KLHL1: variants seen among roughly 807,000 people sequenced by gnomAD.
KLHL1 encodes kelch like family member 1, also known as kelch-like protein 1.
A neutral mutation model predicts 77.7 loss-of-function variants in KLHL1; 47 were observed. The ratio of observed to expected loss-of-function variants is 0.60; its 90% CI spans 0.48 to 0.77. KLHL1 has a LOEUF of 0.77. KLHL1 is among the 30% of genes least tolerant of loss of function. The pLI is 0.00. For synonymous variants in KLHL1, 360 were observed against 325.2 expected, an observed-to-expected ratio of 1.11 and a Z score of -1.15; for missense variants, 925 against 910.8, an observed-to-expected ratio of 1.02 and a Z score of -0.20.
chr13:70,053,260 A>T lies in KLHL1; in HGVS notation c.497+53943T>A, dbSNP rs952292760. Reference sequence around the variant, plus strand: ...CTTTAACAGCAAGACTTTTCCAGGAAATATAACAGATTTGAGGGAATCTTA... The same window carrying T: ...CTTTAACAGCAAGACTTTTCCAGGATATATAACAGATTTGAGGGAATCTTA... On this transcript the variant is annotated intron_variant, in intron 1 of 10. Coordinates refer to ENST00000377844, the MANE Select transcript of KLHL1 (RefSeq NM_020866.3). 1.1e-4 allele frequency among the ~76,000 whole-genome samples: 17 copies of T among 152,262 alleles called. No individual in the cohort carries two copies. In the East Asian group the frequency reaches 3.1e-3, roughly 28 times the overall value.
intron 6 of KLHL1, among the ~76,000 whole-genome samples, chr13:69,834,854 G>T (rs977418363): frequency 4.6e-5 from 7 of 152,026 alleles, no homozygotes; most frequent in African/African-American, 1.7e-4. Flanking sequence ...TTTAGGTCCA[G>T]ATTTTGAATT....
intron 4 of KLHL1, among the ~76,000 whole-genome samples, chr13:69,888,000 C>CTTAG (rs369113134): frequency 1.2e-3 from 181 of 152,288 alleles, no homozygotes; most frequent in African/African-American, 4.0e-3. Context: ...ATAAAACCAT[C>CTTAG]TTAGACTGGA....
intron 5 of KLHL1, among the ~76,000 whole-genome samples, chr13:69,867,119 AT>A (rs568190897): frequency 7.9e-5 from 12 of 152,254 alleles, no homozygotes; most frequent in Admixed American, 7.9e-4. Flanking sequence ...CAGAAGCATT[AT>A]TTGATTAAAA....
At position 70,087,714 on chromosome 13, in the gene KLHL1, TGGAAACA is replaced by T. The variant is rs1218568952; in HGVS notation, c.497+19482_497+19488del. On this transcript the variant is annotated intron_variant, in intron 1 of 10. Transcript: ENST00000377844. ...GAGGGAGAAAAACAACCAGAGCTTT[TGGAAACA>T]AGGCCTTCTGATGGAGTAATAAAAT... Among the ~76,000 whole-genome samples the T allele has an allele frequency of 2.6e-5, 4 of 152,270 alleles. No homozygotes were observed. In the East Asian group the frequency reaches 7.7e-4, roughly 29 times the overall value.
chr13:69,952,976 C>A (rs1883758930), intron 3 of KLHL1, among the ~76,000 whole-genome samples: 1 of 151,070 alleles, frequency 6.6e-6, no homozygotes, highest in Non-Finnish European at 1.5e-5. Flanking sequence ...ATAATGTTTT[C>A]AAAGATGGTT....
chr13:70,093,343 A>G (rs549617229), intron 1 of KLHL1, among the ~76,000 whole-genome samples: 1 of 152,270 alleles, frequency 6.6e-6, no homozygotes, highest in East Asian at 1.9e-4. Flanking sequence ...CATACCTTCA[A>G]AGACCAAACC....
chr13:69,840,698 A>ATATGTATGTATG (rs200339697), intron 5 of KLHL1, among the ~76,000 whole-genome samples: 49 of 146,324 alleles, frequency 3.3e-4, no homozygotes, highest in Middle Eastern at 3.5e-3. Flanking sequence ...ATATATATAT[A>ATATGTATGTATG]TATGTATGTA....
At chr13:69,970,557 GGAGCT>G (rs1188094522) in intron 2 of KLHL1, among the ~76,000 whole-genome samples, 1 of 152,012 alleles carries the variant, frequency 6.6e-6, no homozygotes, top group Non-Finnish European at 1.5e-5. Context: ...TGGCCTAACA[GGAGCT>G]CCTTATTCTG....
chr13:70,006,756 A>T (rs768821138), intron 1 of KLHL1, among the ~76,000 whole-genome samples: 1 of 152,022 alleles, frequency 6.6e-6, no homozygotes, highest in African/African-American at 2.4e-5. Flanking sequence ...ACATGCTGAC[A>T]GCACTAGATT....
rs1390439892 is a variant in KLHL1 at position 70,036,199 on chromosome 13, G to A, written c.498-60397C>T. Reference sequence around the variant, plus strand: ...CACCAGTTGTATCTAGGTGGATATAGGGATTTTTAGAAACATTGCTGCTAG... The same window carrying A: ...CACCAGTTGTATCTAGGTGGATATAAGGATTTTTAGAAACATTGCTGCTAG... On this transcript the variant is annotated intron_variant, in intron 1 of 10. Transcript: ENST00000377844. 3.3e-5 allele frequency among the ~76,000 whole-genome samples: 5 copies of A among 151,784 alleles called. No homozygotes were observed. The East Asian group carries it at 9.7e-4, about 29-fold the overall frequency.
intron 3 of KLHL1, among the ~76,000 whole-genome samples, chr13:69,943,091 T>C (rs1593972344): frequency 6.6e-6 from 1 of 152,026 alleles, no homozygotes; most frequent in African/African-American, 2.4e-5. Context: ...GTGAAGTTTT[T>C]TTCTTTTTTC....
At chr13:70,035,120 TTTGAG>T (rs1425700765) in intron 1 of KLHL1, among the ~76,000 whole-genome samples, 4 of 152,228 alleles carry the variant, frequency 2.6e-5, no homozygotes, top group Admixed American at 2.0e-4. Context: ...ATTGGTAACT[TTTGAG>T]TTAAGAGTAC....
At chr13:69,856,662 A>G (rs1025769566) in intron 5 of KLHL1, among the ~76,000 whole-genome samples, 1 of 152,178 alleles carries the variant, frequency 6.6e-6, no homozygotes, top group Admixed American at 6.6e-5. Context: ...CTTTGTTATT[A>G]CACTATACTG....
At chr13:69,704,441 G>T (rs568548497) in intron 10 of KLHL1, among the ~76,000 whole-genome samples, 1 of 151,722 alleles carries the variant, frequency 6.6e-6, no homozygotes, top group East Asian at 1.9e-4. Context: ...TCTGTTTCTT[G>T]CTCAGTGAGA....
At chr13:69,882,243 A>G in intron 5 of KLHL1, 40 bp downstream of exon 5, 1 of 1,349,458 alleles carries the variant, frequency 7.4e-7, no homozygotes, top group Non-Finnish European at 1.1e-6. Flanking sequence ...AGGGTTTTTC[A>G]GTACATTGAA....
chr13:69,849,251 T>G (rs1219333358), intron 5 of KLHL1, among the ~76,000 whole-genome samples: 2 of 151,648 alleles, frequency 1.3e-5, no homozygotes, highest in African/African-American at 4.8e-5. Flanking sequence ...AATTCTTTCA[T>G]GTTTAGGCTA....
intron 6 of KLHL1, among the ~76,000 whole-genome samples, chr13:69,834,301 T>C (rs1243521401): frequency 2.0e-5 from 3 of 151,892 alleles, no homozygotes; most frequent in East Asian, 3.9e-4. Flanking sequence ...GTTAAATATA[T>C]ATATATATGT....
chr13:69,859,888 C>T (rs1347873924), intron 5 of KLHL1, among the ~76,000 whole-genome samples: 1 of 151,990 alleles, frequency 6.6e-6, no homozygotes, highest in Admixed American at 6.6e-5. Flanking sequence ...ACATTGTAAG[C>T]GTACAAAAGC....
chr13:69,908,997 G>T (rs76743567), intron 4 of KLHL1, among the ~76,000 whole-genome samples: 9,853 of 149,200 alleles, frequency 0.066, 426 homozygotes, highest in African/African-American at 0.12. Context: ...GGCAAATTTA[G>T]TTCCTAAATA....
Sources: gnomAD v4.1 joint callset for allele counts (sites outside exome capture counted in the v4.1 genomes callset) on GRCh38, gnomAD v4.1.1 for gene constraint, MANE v1.5 for transcripts, NCBI Gene and HGNC (gene_info 2026-07-23, HGNC 2026-07-21) for gene names.